The following CANX variants were observed in gnomAD, a reference collection of about 807,000 sequenced individuals.
The protein encoded by CANX is calnexin, also known as epididymis secretory sperm binding protein.
CANX carries 14 observed loss-of-function variants against 75.7 expected under a neutral mutation model. The ratio of observed to expected loss-of-function variants is 0.19; its 90% CI spans 0.12 to 0.29. CANX has a LOEUF of 0.29. Ranked by LOEUF, CANX falls within the 10% of genes least tolerant of loss-of-function variation. CANX has a pLI of 1.00. For synonymous variants in CANX, 227 were observed against 236.9 expected (o/e 0.96, Z 0.38); for missense variants, 567 against 713.2 (o/e 0.79, Z 2.34).
rs553234403 is a variant in CANX at position 179,716,236 on chromosome 5, G to A, written c.853G>A (p.Glu285Lys). The change falls in exon 8 of 15, where the codon GAG (glutamate) becomes AAG (lysine). Residue 285 changes from glutamate to lysine, a missense_variant. By Grantham distance (56) the Glu-to-Lys change is moderately conservative (BLOSUM62 1). Transcript: ENST00000247461. Reference sequence around the variant, plus strand: ...TGAGGACCCAGAAGACCGGAAGCCCGAGGATTGGGATGAAAGACCAAAAAT... The same window carrying A: ...TGAGGACCCAGAAGACCGGAAGCCCAAGGATTGGGATGAAAGACCAAAAAT... ...EIEDPEDRKP[E>K]DWDERPKIPD... 6 of 1,614,156 alleles carry A rather than the reference G, an allele frequency of 3.7e-6. No individual in the cohort carries two copies. Among genetic ancestry groups the A allele is most frequent in the Admixed American group, 1.7e-5 (1 of 60,010 alleles).
intron 2 of CANX, 71 bp downstream of exon 2, chr5:179,705,923 A>G: frequency 7.7e-7 from 1 of 1,299,804 alleles, no homozygotes; most frequent in South Asian, 1.3e-5. Context: ...ACCCGGGTGC[A>G]GGGAAATGTA....
chr5:179,698,275 G>A (rs1562449918), upstream of CANX: 1 of 409,492 alleles, frequency 2.4e-6, no homozygotes, highest in Non-Finnish European at 3.5e-6. Context: ...TCTCACTTCA[G>A]GAAACATAAA....
chr5:179,704,763 G>A (rs1482073040), intron 1 of CANX, among the ~76,000 whole-genome samples: 1 of 152,144 alleles, frequency 6.6e-6, no homozygotes, highest in East Asian at 1.9e-4. Flanking sequence ...TTGAACCTGG[G>A]AGGCGGCGGT....
At chr5:179,697,082 G>A (rs903014382), upstream of CANX, among the ~76,000 whole-genome samples, 1 of 152,092 alleles carries the variant, frequency 6.6e-6, no homozygotes, top group African/African-American at 2.4e-5. Context: ...TTTAGAGACG[G>A]GTTCTCACTC....
At chr5:179,694,405 G>A (rs1776354150), upstream of CANX, 7 of 624,096 alleles carry the variant, frequency 1.1e-5, no homozygotes, top group Admixed American at 7.7e-5. Context: ...CACTGTGATC[G>A]GGAAATGAAG....
rs1339766611 is a variant in CANX at position 179,707,160 on chromosome 5, G to A, written c.274G>A (p.Asp92Asn). The A allele has an allele frequency of 8.1e-6, 13 of 1,599,936 alleles. No individual in the cohort carries two copies. In the Admixed American group the frequency reaches 8.3e-5, roughly 10 times the overall value. Residue 92 changes from aspartate to asparagine, a missense_variant, in exon 4 of 15, where the codon GAT (aspartate) becomes AAT (asparagine). Asp to Asn is a conservative substitution (Grantham distance 23, BLOSUM62 1). Coordinates refer to ENST00000247461, the MANE Select transcript of CANX (RefSeq NM_001746.4). The part of the protein sequence containing the change: ...GWILSKAKKD[D>N]TDDEIAKYDG... ...GATTTTATCCAAAGCCAAGAAAGACGATACCGATGATGAAATTGCCAAATA... is the reference window on the plus strand; with the variant it reads ...GATTTTATCCAAAGCCAAGAAAGACAATACCGATGATGAAATTGCCAAATA...
At chr5:179,705,556 A>G in intron 1 of CANX, 123 bp from the exon 2 acceptor site, 1 of 719,438 alleles carries the variant, frequency 1.4e-6, no homozygotes, top group Non-Finnish European at 2.3e-6. Context: ...ATGAAATGAA[A>G]TAGTAAGTTC....
At chr5:179,708,635 A>G (rs1777319438) in intron 5 of CANX, among the ~76,000 whole-genome samples, 1 of 152,080 alleles carries the variant, frequency 6.6e-6, no homozygotes, top group Non-Finnish European at 1.5e-5. Context: ...ATCTGCATTA[A>G]TAGTTTTTGT....
rs1259050571 is a variant in CANX at position 179,716,145 on chromosome 5, A to G, written c.762A>G (p.Gln254=). The G allele has an allele frequency of 2.5e-6, 4 of 1,612,946 alleles. No individual in the cohort carries two copies. The highest frequency in any genetic ancestry group is 3.3e-5 in the Admixed American group (2 of 59,996). Residue 254 remains glutamine, a synonymous_variant, in exon 8 of 15, where the codon CAA becomes CAG. Coordinates refer to ENST00000247461, the MANE Select transcript of CANX (RefSeq NM_001746.4). The part of the protein sequence containing the change: ...PDNSFEILVD[Q]SVVNSGNLLN... The stretch of plus-strand genomic sequence containing the variant: ...ATAGTTTTGAAATACTGGTTGACCA[A>G]TCTGTGGTGAATAGTGGAAATCTGC...
upstream of CANX, among the ~76,000 whole-genome samples, chr5:179,697,081 G>T (rs115239070): frequency 0.047 from 7,093 of 152,070 alleles, 539 homozygotes; most frequent in African/African-American, 0.16. Flanking sequence ...ATTTAGAGAC[G>T]GGTTCTCACT....
intron 1 of CANX, among the ~76,000 whole-genome samples, chr5:179,690,674 G>A (rs1326974804): frequency 4.0e-5 from 6 of 150,486 alleles, no homozygotes; most frequent in South Asian, 2.1e-4. Context: ...GGTGGATCAC[G>A]AGGTCAGGAG....
intron 1 of CANX, among the ~76,000 whole-genome samples, chr5:179,701,560 A>T (rs1247850972): frequency 6.6e-6 from 1 of 151,248 alleles, no homozygotes; most frequent in Non-Finnish European, 1.5e-5. Flanking sequence ...ACAGAGTGAG[A>T]CTCCATCTCA....
At chr5:179,723,504 G>A (rs1022780754) in intron 11 of CANX, 156 bp from the exon 12 acceptor site, 1 of 700,566 alleles carries the variant, frequency 1.4e-6, no homozygotes, top group South Asian at 2.1e-5. Flanking sequence ...GAGGATGGAG[G>A]CTTTCTCTAA....
upstream of CANX, chr5:179,698,408 G>C: frequency 8.0e-7 from 1 of 1,253,874 alleles, no homozygotes; most frequent in South Asian, 1.3e-5. Context: ...GGCTCACACA[G>C]CGCGGAGCAG....
chr5:179,715,241 G>T (rs988263637), intron 7 of CANX, among the ~76,000 whole-genome samples: 1 of 151,956 alleles, frequency 6.6e-6, no homozygotes, highest in African/African-American at 2.4e-5. Flanking sequence ...GCTTTTATGG[G>T]GCCCATGTGG....
chr5:179,702,892 C>T (rs1458710710), intron 1 of CANX, among the ~76,000 whole-genome samples: 2 of 152,102 alleles, frequency 1.3e-5, no homozygotes, highest in African/African-American at 4.8e-5. Flanking sequence ...GCCTCAGCCT[C>T]CTGAGTAACT....
chr5:179,724,242 T>G (rs1255907030), intron 12 of CANX, among the ~76,000 whole-genome samples: 1 of 152,118 alleles, frequency 6.6e-6, no homozygotes, highest in Non-Finnish European at 1.5e-5. Context: ...TAGCCTTTTT[T>G]TTTTTGCATG....
intron 1 of CANX, chr5:179,679,171 C>T (rs1250208636): frequency 6.5e-7 from 1 of 1,535,200 alleles, no homozygotes. Flanking sequence ...CGCAGGTGCT[C>T]GAAGGGGAGC....
rs997129015 is a variant in CANX at position 179,722,818 on chromosome 5, C to T, written c.1197C>T (p.Pro399=). 4 of 1,609,728 alleles carry T rather than the reference C, an allele frequency of 2.5e-6. No homozygotes were observed. The highest frequency in any genetic ancestry group is 2.7e-5 in the African/African-American group (2 of 74,736). The part of the protein sequence containing the change: ...DNPSYQGIWK[P]RKIPNPDFFE... The stretch of plus-strand genomic sequence containing the variant: ...TTTTTTTCTAGGGAATCTGGAAACC[C>T]AGGAAAATACCAAATCCAGATTTCT... Residue 399 remains proline (P), a synonymous_variant, in exon 11 of 15, where the codon CCC becomes CCT. Transcript: ENST00000247461.
Sources: gnomAD v4.1 joint callset for allele counts (sites outside exome capture counted in the v4.1 genomes callset) on GRCh38, gnomAD v4.1.1 for gene constraint, MANE v1.5 for transcripts, NCBI Gene and HGNC (gene_info 2026-07-23, HGNC 2026-07-21) for gene names.